Variants in TP63 observed in about 807,000 individuals in gnomAD.
TP63 encodes the protein tumor protein p63, also known as tumor protein 63.
TP63 carries 17 observed loss-of-function variants against 82.8 expected under a neutral mutation model. The ratio of observed to expected loss-of-function variants is 0.21; its 90% CI spans 0.14 to 0.31. TP63 has a LOEUF of 0.31. Among genes scored for constraint, TP63 ranks in the 10% least tolerant of loss-of-function variants. The pLI is 1.00. For synonymous variants in TP63, 330 were observed against 321.7 expected, an observed-to-expected ratio of 1.03 and a Z score of -0.28; for missense variants, 648 against 895.3, an observed-to-expected ratio of 0.72 and a Z score of 3.52.
intron 1 of TP63, among the ~76,000 whole-genome samples, chr3:189,638,767 T>C (rs1301316261): frequency 1.3e-5 from 2 of 152,108 alleles, no homozygotes; most frequent in Admixed American, 1.3e-4. Context: ...TTAATTTGGG[T>C]TTGAGATTAC....
At chr3:189,655,418 A>G (rs112186492) in intron 1 of TP63, among the ~76,000 whole-genome samples, 3,760 of 152,260 alleles carry the variant, frequency 0.025, 72 homozygotes, top group Middle Eastern at 0.044. Context: ...TGAGGTCAAG[A>G]GTTCGAGGCC....
At chr3:189,651,702 C>A (rs74674764) in intron 1 of TP63, among the ~76,000 whole-genome samples, 11,762 of 146,380 alleles carry the variant, frequency 0.08, 1,422 homozygotes, top group Middle Eastern at 0.2. Context: ...GAGACATTCA[C>A]AGCAGCCCCT....
chr3:189,834,617 C>A (rs1009698993), intron 4 of TP63, among the ~76,000 whole-genome samples: 3 of 152,146 alleles, frequency 2.0e-5, no homozygotes, highest in Non-Finnish European at 4.4e-5. Flanking sequence ...TCACACAGAA[C>A]AGATTCTTCC....
intron 4 of TP63, among the ~76,000 whole-genome samples, chr3:189,834,343 C>CA (rs1553850495): frequency 6.6e-6 from 1 of 151,068 alleles, no homozygotes; most frequent in Non-Finnish European, 1.5e-5. Context: ...GTCTGACAGT[C>CA]TTTTTTTTTA....
chr3:189,880,412 G>A (rs1719787602), intron 10 of TP63: 1 of 1,120,814 alleles, frequency 8.9e-7, no homozygotes, highest in African/African-American at 1.6e-5. Context: ...CCTTAGACCG[G>A]CCATTGGTGG....
intron 1 of TP63, among the ~76,000 whole-genome samples, chr3:189,670,233 T>C (rs1412275444): frequency 6.6e-6 from 1 of 152,098 alleles, no homozygotes; most frequent in Non-Finnish European, 1.5e-5. Flanking sequence ...ATATAGTTGG[T>C]TATTTTCATC....
At chr3:189,818,432 TAA>T (rs1057204839) in intron 4 of TP63, among the ~76,000 whole-genome samples, 1 of 152,124 alleles carries the variant, frequency 6.6e-6, no homozygotes, top group African/African-American at 2.4e-5. Context: ...ATATATGTAT[TAA>T]GTTTACTTAT....
intron 4 of TP63, among the ~76,000 whole-genome samples, chr3:189,856,838 C>A (rs1369364570): frequency 6.6e-6 from 1 of 151,944 alleles, no homozygotes; most frequent in African/African-American, 2.4e-5. Flanking sequence ...TATTTATACA[C>A]TGAAAACTAT....
At chr3:189,650,925 A>T (rs1015918519) in intron 1 of TP63, among the ~76,000 whole-genome samples, 1 of 147,046 alleles carries the variant, frequency 6.8e-6, no homozygotes, top group African/African-American at 2.5e-5. Flanking sequence ...AGACAGGAAG[A>T]TGTGGGAAGG....
At chr3:189,826,220 A>G (rs9290906) in intron 4 of TP63, among the ~76,000 whole-genome samples, 60,012 of 152,126 alleles carry the variant, frequency 0.39, 12,208 homozygotes, top group East Asian at 0.55. Context: ...AGGCAAGGAC[A>G]AATGTTATCC....
the TP63 span, among the ~76,000 whole-genome samples, chr3:189,621,216 T>A: frequency 6.6e-6 from 1 of 152,302 alleles, no homozygotes; most frequent in East Asian, 1.9e-4. Flanking sequence ...TAATTACAAT[T>A]AGGAGCTTAT....
chr3:189,869,468 A>G lies in TP63; in HGVS notation c.1212+62A>G, dbSNP rs896476214. On this transcript the variant is annotated intron_variant, in intron 9 of 13. Coordinates refer to ENST00000264731, the MANE Select transcript of TP63 (RefSeq NM_003722.5). Reference sequence around the variant, plus strand: ...TAACCTTCTTTGAATGGGCTTTTACAGTATGATCATCATCTCATTATCTGT... The same window carrying G: ...TAACCTTCTTTGAATGGGCTTTTACGGTATGATCATCATCTCATTATCTGT... 2.2e-5 allele frequency: 31 copies of G among 1,417,514 alleles called. 1 individual carries two copies. The highest frequency in any genetic ancestry group is 3.5e-4 in the Middle Eastern group (2 of 5,728). The allele number at this position is 1,417,514 out of a possible 1,614,324, so 87.8% of individuals were successfully genotyped here. A position where few individuals can be genotyped will look rare whatever the true frequency, so the allele number is the denominator to read the frequency against.
intron 4 of TP63, among the ~76,000 whole-genome samples, chr3:189,845,706 G>A (rs1365809712): frequency 6.7e-6 from 1 of 148,452 alleles, no homozygotes; most frequent in Non-Finnish European, 1.5e-5. Context: ...ACTCGGGAGG[G>A]CTTTGATGCT....
At chr3:189,879,536 T>C (rs1719673202) in intron 10 of TP63, among the ~76,000 whole-genome samples, 1 of 152,218 alleles carries the variant, frequency 6.6e-6, no homozygotes, top group Non-Finnish European at 1.5e-5. Flanking sequence ...TAATATCATA[T>C]TTCTCTATAC....
intron 3 of TP63, among the ~76,000 whole-genome samples, chr3:189,772,581 A>G (rs956039188): frequency 1.3e-5 from 2 of 152,158 alleles, no homozygotes; most frequent in African/African-American, 4.8e-5. Context: ...AGTATCAAGG[A>G]TTTTCCTCTG....
chr3:189,620,052 G>T, the TP63 span, among the ~76,000 whole-genome samples: 1 of 152,174 alleles, frequency 6.6e-6, no homozygotes, highest in African/African-American at 2.4e-5. Flanking sequence ...AAAAAAGAGC[G>T]GAAGAAGGGG....
chr3:189,658,670 C>T (rs113913438), intron 1 of TP63, among the ~76,000 whole-genome samples: 94 of 152,004 alleles, frequency 6.2e-4, no homozygotes, highest in African/African-American at 2.1e-3. Context: ...GACTAGTGCT[C>T]CTCAAAATTT....
intron 1 of TP63, among the ~76,000 whole-genome samples, chr3:189,664,296 T>G (rs887552896): frequency 3.9e-5 from 6 of 152,186 alleles, no homozygotes; most frequent in Non-Finnish European, 8.8e-5. Flanking sequence ...CCTATCTCGT[T>G]ACTAAAATCT....
Position 189,895,729 on chromosome 3 carries a change from C to G in TP63, c.*1227C>G. On this transcript the variant is annotated 3_prime_UTR_variant, in exon 14 of 14. Coordinates refer to ENST00000264731, the MANE Select transcript of TP63 (RefSeq NM_003722.5). The stretch of plus-strand genomic sequence containing the variant: ...TTGGTAAATGTTTCTTTTAAAGACC[C>G]TCCTATTCTATAAAACTCTGCATGT... 4.4e-6 allele frequency: 1 copy of G among 228,978 alleles called. No individual in the cohort carries two copies. Among genetic ancestry groups the G allele is most frequent in the Non-Finnish European group, 8.7e-6 (1 of 115,586 alleles). 14.2% of individuals were successfully genotyped at this position (228,978 alleles called of 1,614,324 possible). A position where few individuals can be genotyped will look rare whatever the true frequency, so the allele number is the denominator to read the frequency against.
Sources: gnomAD v4.1 joint callset for allele counts (sites outside exome capture counted in the v4.1 genomes callset) on GRCh38, gnomAD v4.1.1 for gene constraint, MANE v1.5 for transcripts, NCBI Gene and HGNC (gene_info 2026-07-23, HGNC 2026-07-21) for gene names.